TNKS: variants seen among roughly 807,000 people sequenced by gnomAD.
The protein encoded by TNKS is poly [ADP-ribose] polymerase tankyrase-1.
A neutral mutation model predicts 135.8 loss-of-function variants in TNKS; 72 were observed. That is an observed-to-expected ratio of 0.53 (90% CI 0.44 to 0.64). The LOEUF (loss-of-function observed/expected upper bound fraction) is 0.64. TNKS is among the 30% of genes least tolerant of loss of function. The pLI, the probability that TNKS is intolerant of heterozygous loss-of-function variation, is 0.00. For missense variants in TNKS, 1,769 were observed against 1,674.0 expected (o/e 1.06, Z -0.99); for synonymous variants, 849 against 649.3 (o/e 1.31, Z -4.68).
At chr8:9,574,971 G>A in intron 1 of TNKS, 1 of 878,328 alleles carries the variant, frequency 1.1e-6, no homozygotes, top group Non-Finnish European at 1.4e-6. Context: ...AGCAAGTGGA[G>A]ATGCTAAGAA....
intron 6 of TNKS, among the ~76,000 whole-genome samples, 180 bp downstream of exon 6, chr8:9,704,937 C>T (rs1255358994): frequency 6.6e-6 from 1 of 152,176 alleles, no homozygotes; most frequent in Non-Finnish European, 1.5e-5. Context: ...GGATACTTCT[C>T]ATAATAATTT....
intron 3 of TNKS, among the ~76,000 whole-genome samples, chr8:9,651,207 A>G (rs1227714460): frequency 6.6e-6 from 1 of 152,166 alleles, no homozygotes; most frequent in Non-Finnish European, 1.5e-5. Flanking sequence ...ATTTTAAATA[A>G]AAATAAATGA....
At chr8:9,581,477 A>G (rs1026784851) in intron 2 of TNKS, among the ~76,000 whole-genome samples, 1 of 152,180 alleles carries the variant, frequency 6.6e-6, no homozygotes, top group Non-Finnish European at 1.5e-5. Context: ...GGACCAAGTC[A>G]TTACATAAAA....
rs185437090 is a variant in TNKS, at chr8:9,710,678, C to A, written c.1749+458C>A. ...TTGGGAGGCCGAGGCAGGTGGATCA[C>A]GAGGTCAGGAGATGGAGACCATCCT... On this transcript the variant is annotated intron_variant, in intron 11 of 26. Coordinates refer to ENST00000310430, the MANE Select transcript of TNKS (RefSeq NM_003747.3). Among the ~76,000 whole-genome samples the A allele has an allele frequency of 2.2e-4, 34 of 152,226 alleles. 1 individual carries two copies. The East Asian group carries it at 6.4e-3, about 29-fold the overall frequency.
In TNKS at chr8:9,780,137, A is replaced by T. The variant is rs1003270426; in HGVS notation, c.*3401A>T. 4 of 152,212 alleles carry T rather than the reference A, an allele frequency of 2.6e-5. No individual in the cohort carries two copies. Among genetic ancestry groups the T allele is most frequent in the Admixed American group, 2.6e-4 (4 of 15,282 alleles). The allele number at this position is 152,212 out of a possible 1,614,324, so 9.4% of individuals were successfully genotyped here. On this transcript the variant is annotated 3_prime_UTR_variant, in exon 27 of 27. Transcript: ENST00000310430. ...GGCATTAGAATGCAATAAGTTGTCT[A>T]GGTTTTTCTGTTTCAGTGTCTCTCC... is the stretch of plus-strand genomic sequence containing the variant.
Position 9,761,650 on chromosome 8 carries a change from A to G in TNKS, c.3274+14A>G, listed in dbSNP as rs1192500004. On this transcript the variant is annotated intron_variant, in intron 21 of 26. Transcript: ENST00000310430. ...GTGGACAACAAGGTAAGCTATTCAG[A>G]AAAAAAAAAAAATTTCAGAAATCAG... The G allele has an allele frequency of 2.2e-6, 2 of 919,894 alleles. No homozygotes were observed. Among genetic ancestry groups the G allele is most frequent in the East Asian group, 3.5e-5 (1 of 28,728 alleles). 57.0% of individuals were successfully genotyped at this position (919,894 alleles called of 1,614,324 possible). A position where few individuals can be genotyped will look rare whatever the true frequency, so the allele number is the denominator to read the frequency against.
intron 20 of TNKS, among the ~76,000 whole-genome samples, chr8:9,755,438 C>G (rs1806786992): frequency 6.6e-6 from 1 of 152,164 alleles, no homozygotes; most frequent in Non-Finnish European, 1.5e-5. Context: ...ACAGTTCTTT[C>G]CCTCCAGACA....
chr8:9,616,643 A>G (rs780301126), intron 3 of TNKS, among the ~76,000 whole-genome samples: 2 of 152,210 alleles, frequency 1.3e-5, no homozygotes, highest in African/African-American at 2.4e-5. Context: ...TTGAAAATCT[A>G]TGGAATTTTG....
At chr8:9,760,270 T>C (rs1175767502) in intron 20 of TNKS, among the ~76,000 whole-genome samples, 1 of 152,172 alleles carries the variant, frequency 6.6e-6, no homozygotes, top group Non-Finnish European at 1.5e-5. Context: ...AACCTTTCTT[T>C]TGGGTGGTTG....
intron 5 of TNKS, among the ~76,000 whole-genome samples, chr8:9,702,908 C>T (rs925884679): frequency 1.3e-5 from 2 of 150,570 alleles, no homozygotes; most frequent in Admixed American, 6.6e-5. Flanking sequence ...CCCAAATACT[C>T]GGGAGGCTGA....
chr8:9,776,500 G>T, intron 26 of TNKS, 150 bp from the exon 27 acceptor site: 1 of 633,364 alleles, frequency 1.6e-6, no homozygotes. Flanking sequence ...TTAAGTAGGT[G>T]AACCTCAAAT....
chr8:9,723,943 C>G (rs1300466573), intron 12 of TNKS, among the ~76,000 whole-genome samples: 2 of 152,136 alleles, frequency 1.3e-5, no homozygotes, highest in Non-Finnish European at 2.9e-5. Context: ...CATTGAAACC[C>G]CATTTACAGT....
Position 9,663,386 on chromosome 8 carries a change from GTATA to G in TNKS, c.995-16563_995-16560del, listed in dbSNP as rs563708536. On this transcript the variant is annotated intron_variant, in intron 3 of 26. Transcript: ENST00000310430. ...GCTTGTCAAATACAAACACGTGTGT[GTATA>G]TGTATGTGTAAAGGAAAAGAAACCT... Among the ~76,000 whole-genome samples, 186 of 152,314 alleles carry G rather than the reference GTATA, an allele frequency of 1.2e-3. 3 individuals carry two copies. The highest frequency in any genetic ancestry group is 3.4e-3 in the Middle Eastern group (1 of 294).
At chr8:9,582,736 G>A (rs548982786) in intron 2 of TNKS, among the ~76,000 whole-genome samples, 15 of 152,296 alleles carry the variant, frequency 9.8e-5, no homozygotes, top group South Asian at 8.3e-4. Flanking sequence ...CAGGTACAGT[G>A]TACATTCAGT....
intron 2 of TNKS, among the ~76,000 whole-genome samples, chr8:9,601,343 A>G (rs902092677): frequency 2.0e-5 from 3 of 152,230 alleles, no homozygotes; most frequent in Non-Finnish European, 2.9e-5. Context: ...AACATGTATT[A>G]TTGCAGTAGC....
chr8:9,614,760 C>G (rs1161389569), intron 2 of TNKS, among the ~76,000 whole-genome samples: 2 of 152,148 alleles, frequency 1.3e-5, no homozygotes, highest in African/African-American at 4.8e-5. Context: ...CTCCTCCTCT[C>G]CTGCCCTCTC....
At chr8:9,566,633 G>C (rs909691552) in intron 1 of TNKS, 13 of 116,164 alleles carry the variant, frequency 1.1e-4, no homozygotes, top group East Asian at 1.1e-3. Context: ...ACGGAGTCTC[G>C]CTCTGTCGCC....
chr8:9,707,829 A>C (rs1228917915), intron 8 of TNKS, among the ~76,000 whole-genome samples: 1 of 152,206 alleles, frequency 6.6e-6, no homozygotes, highest in Non-Finnish European at 1.5e-5. Flanking sequence ...GTCAAGACCT[A>C]ATCACCATTG....
chr8:9,612,707 G>T (rs1346494104), intron 2 of TNKS, among the ~76,000 whole-genome samples: 1 of 152,090 alleles, frequency 6.6e-6, no homozygotes, highest in Non-Finnish European at 1.5e-5. Flanking sequence ...GTAGAGTCGA[G>T]GGAGGGATGA....
Sources: gnomAD v4.1 joint callset for allele counts (sites outside exome capture counted in the v4.1 genomes callset) on GRCh38, gnomAD v4.1.1 for gene constraint, MANE v1.5 for transcripts, NCBI Gene and HGNC (gene_info 2026-07-23, HGNC 2026-07-21) for gene names.